ALG9: variants seen among roughly 807,000 people sequenced by gnomAD.
The protein encoded by ALG9 is alpha-1,2-mannosyltransferase ALG9.
In ALG9, 55 loss-of-function variants were observed where a neutral mutation model predicts 81.8. The observed-to-expected ratio is 0.67, with a 90% CI of 0.54 to 0.84. The LOEUF (loss-of-function observed/expected upper bound fraction) is 0.84, where lower values mean the gene tolerates loss of function less well. Ranked by LOEUF, ALG9 falls within the 40% of genes least tolerant of loss-of-function variation. The pLI, the probability that ALG9 is intolerant of heterozygous loss-of-function variation, is 0.00. For synonymous variants in ALG9, 278 were observed against 274.3 expected (o/e 1.01, Z -0.13); for missense variants, 629 against 745.0 (o/e 0.84, Z 1.81).
chr11:111,776,222 A>G, the ALG9 span, among the ~76,000 whole-genome samples: 1 of 152,198 alleles, frequency 6.6e-6, no homozygotes, highest in African/African-American at 2.4e-5. Context: ...ACATATAGTA[A>G]AGTTTAATAT....
intron 3 of ALG9, among the ~76,000 whole-genome samples, 177 bp from the exon 4 acceptor site, chr11:111,865,428 T>C (rs1388757138): frequency 6.6e-6 from 1 of 152,226 alleles, no homozygotes; most frequent in Non-Finnish European, 1.5e-5. Context: ...TACCTACTTC[T>C]ATCACTCCAG....
chr11:111,839,601 AGG>A (rs34197912), intron 10 of ALG9, among the ~76,000 whole-genome samples: 69 of 94,246 alleles, frequency 7.3e-4, no homozygotes, highest in South Asian at 2.6e-3. Context: ...AAAAAAAAAA[AGG>A]GGGGGGGGGA....
chr11:111,789,285 T>C lies in ALG9; in HGVS notation c.1734-2765A>G, dbSNP rs191297670. 3.3e-3 allele frequency among the ~76,000 whole-genome samples: 503 copies of C among 152,232 alleles called. 3 individuals carry two copies. Among genetic ancestry groups the C allele is most frequent in the African/African-American group, 0.012 (481 of 41,576 alleles). On this transcript the variant is annotated intron_variant, in intron 14 of 14. Coordinates refer to ENST00000616540, the MANE Select transcript of ALG9 (RefSeq NM_024740.2). ...TATTTATTTTGAGACAGGGTCTCGC[T>C]CTGTTGCCCATGCTAGAGTGCAGTG...
chr11:111,857,947 GT>G (rs1183076780), intron 5 of ALG9: 8,294 of 384,710 alleles, frequency 0.022, no homozygotes, highest in Middle Eastern at 0.04. Flanking sequence ...CTCACTCCTG[GT>G]TTTTTTTTTT....
chr11:111,805,275 A>T (rs1555084029), intron 14 of ALG9: 1 of 456,196 alleles, frequency 2.2e-6, no homozygotes. Context: ...CCAGAACTTG[A>T]CTATACTGGC....
intron 13 of ALG9, among the ~76,000 whole-genome samples, chr11:111,816,839 C>T (rs1555097793): frequency 6.6e-6 from 1 of 152,188 alleles, no homozygotes; most frequent in Non-Finnish European, 1.5e-5. Context: ...GGGTTACAGG[C>T]ATGAGCAACC....
chr11:111,825,583 ACTCCTAT>A (rs1953093606), intron 13 of ALG9, among the ~76,000 whole-genome samples: 2 of 151,868 alleles, frequency 1.3e-5, no homozygotes, highest in Admixed American at 1.3e-4. Context: ...CTAAGACTCA[ACTCCTAT>A]GCTACCTCTT....
chr11:111,857,623 C>T lies in ALG9; in HGVS notation c.680G>A (p.Trp227Ter), dbSNP rs1378660966. The T allele has an allele frequency of 6.2e-7, 1 of 1,613,990 alleles. No homozygotes were observed. The highest frequency in any genetic ancestry group is 8.5e-7 in the Non-Finnish European group (1 of 1,180,026). Residue 227 changes from tryptophan (W) to a stop codon, truncating the protein, a stop_gained, in exon 6 of 15, where the codon TGG (tryptophan) becomes TAG (stop). Coordinates refer to ENST00000616540, the MANE Select transcript of ALG9 (RefSeq NM_024740.2). LOFTEE classifies it high-confidence loss of function. ...TTACCCAAGAGCTGCACTGAATGGC[C>T]AGCCTAAGATAGCCCCAGCTGCTAC... is the stretch of plus-strand genomic sequence containing the variant. ...LGVAAGAILG[W>*]PFSAALGLPI... is the part of the protein sequence containing the mutation.
chr11:111,870,230 A>G lies in ALG9; in HGVS notation c.270+2T>C. ...AAAGAGAAAACTAAAGAAATCACCT[A>G]CTGGCTCCCAGTAGTTGAATGTTTC... On this transcript the variant is annotated splice_donor_variant, in intron 2 of 14. Transcript: ENST00000616540. LOFTEE classifies it high-confidence loss of function. The G allele has an allele frequency of 1.2e-6, 2 of 1,608,410 alleles. No individual in the cohort carries two copies. The highest frequency in any genetic ancestry group is 1.7e-6 in the Non-Finnish European group (2 of 1,178,516).
intron 13 of ALG9, among the ~76,000 whole-genome samples, chr11:111,811,542 C>CAAA (rs11305937): frequency 6.7e-5 from 6 of 89,040 alleles, no homozygotes; most frequent in East Asian, 3.9e-4. Flanking sequence ...GACTCTGTCT[C>CAAA]AAAAAAAAAA....
At chr11:111,814,697 G>A (rs1271743641) in intron 13 of ALG9, 1 of 152,240 alleles carries the variant, frequency 6.6e-6, no homozygotes, top group Admixed American at 6.5e-5. Flanking sequence ...TCTCACATCT[G>A]TCTCTACATA....
intron 6 of ALG9, 83 bp from the exon 7 acceptor site, chr11:111,853,819 G>T: frequency 2.4e-6 from 3 of 1,254,346 alleles, no homozygotes; most frequent in Non-Finnish European, 3.5e-6. Context: ...ATGCTGAACT[G>T]AGAATAAAAT....
intron 5 of ALG9, chr11:111,858,061 C>T (rs1045412064): frequency 1.1e-5 from 4 of 349,752 alleles, no homozygotes; most frequent in African/African-American, 2.1e-5. Context: ...CTGAGCCTAC[C>T]GAGTAGCTGG....
At chr11:111,835,759 GT>G (rs1408360135) in intron 13 of ALG9, among the ~76,000 whole-genome samples, 2 of 152,022 alleles carry the variant, frequency 1.3e-5, no homozygotes, top group Non-Finnish European at 2.9e-5. Context: ...AAAATATCCG[GT>G]TTTTTTCTGA....
rs782619868 is a variant in ALG9 at position 111,840,693 on chromosome 11, T to C, written c.1135A>G (p.Ile379Val). The stretch of plus-strand genomic sequence containing the variant: ...AGAGCCACAGCGCCACAGAGACATA[T>C]AAGTGGATACACAGGGAAAAGAAAT... ...ERFLFPVYPL[I>V]CLCGAVALSA... is the part of the protein sequence containing the mutation. Residue 379 changes from isoleucine to valine, a missense_variant, in exon 10 of 15, where the codon ATA (isoleucine) becomes GTA (valine). Transcript: ENST00000616540. 3.1e-6 allele frequency: 5 copies of C among 1,613,886 alleles called. No individual in the cohort carries two copies. In the South Asian group the frequency reaches 5.5e-5, roughly 18 times the overall value.
At chr11:111,850,183 C>T (rs976525001) in intron 8 of ALG9, among the ~76,000 whole-genome samples, 4 of 152,062 alleles carry the variant, frequency 2.6e-5, no homozygotes, top group Admixed American at 6.6e-5. Context: ...TTTGGTATCA[C>T]GAAAATCTCA....
Position 111,857,636 on chromosome 11 carries a change from C to A in ALG9, c.667G>T (p.Ala223Ser). The change falls in exon 6 of 15, where the codon GCT becomes TCT. Residue 223 changes from alanine (A) to serine (S), a missense_variant. Around this residue, in one of 3 missense-constraint regions of ALG9, gnomAD observed 344 missense variants for 390.5 expected, o/e 0.88. Transcript: ENST00000616540. ...GCACTGAATGGCCAGCCTAAGATAG[C>A]CCCAGCTGCTACTCCCAGCACAGCA... ...SIAVLGVAAG[A>S]ILGWPFSAAL... The A allele has an allele frequency of 3.7e-6, 6 of 1,614,142 alleles. No individual in the cohort carries two copies. The highest frequency in any genetic ancestry group is 5.1e-6 in the Non-Finnish European group (6 of 1,180,028).
chr11:111,864,156 AAAG>A (rs1961414434), intron 4 of ALG9: 1 of 530,922 alleles, frequency 1.9e-6, no homozygotes, highest in African/African-American at 1.9e-5. Context: ...AAAAAAAGAA[AAAG>A]AAGAGAACAA....
intron 4 of ALG9, among the ~76,000 whole-genome samples, chr11:111,863,656 T>C (rs1415243622): frequency 5.3e-5 from 8 of 152,218 alleles, no homozygotes; most frequent in Non-Finnish European, 1.0e-4. Flanking sequence ...TTAGTTATCA[T>C]GTAAAAAAGG....
Sources: gnomAD v4.1 joint callset for allele counts (sites outside exome capture counted in the v4.1 genomes callset) on GRCh38, gnomAD v4.1.1 for gene constraint, gnomAD v4.1.1 regional missense constraint, MANE v1.5 for transcripts, NCBI Gene and HGNC (gene_info 2026-07-23, HGNC 2026-07-21) for gene names.